JMJD1C: variants seen among roughly 807,000 people sequenced by gnomAD.
JMJD1C encodes jumonji domain-containing protein 1C.
A neutral mutation model predicts 245.3 loss-of-function variants in JMJD1C; 31 were observed. The observed-to-expected ratio is 0.13, with a 90% confidence interval of 0.09 to 0.17. JMJD1C has a LOEUF of 0.17. Among genes scored for constraint, JMJD1C ranks in the 10% least tolerant of loss-of-function variants. The probability of loss-of-function intolerance (pLI) is 1.00; values close to 1 mark genes in which losing one functional copy is unlikely to be tolerated. For missense variants in JMJD1C, 2,691 were observed against 3,000.2 expected (o/e 0.90, Z 2.41); for synonymous variants, 1,057 against 1,017.4 (o/e 1.04, Z -0.74).
At chr10:63,299,772 C>T (rs1431570833) in intron 2 of JMJD1C, among the ~76,000 whole-genome samples, 1 of 151,976 alleles carries the variant, frequency 6.6e-6, no homozygotes, top group East Asian at 1.9e-4. Context: ...CAAGAATGCC[C>T]TCATCCTTGT....
chr10:63,501,517 C>T (rs1416736819), intron 1 of JMJD1C, among the ~76,000 whole-genome samples: 1 of 152,164 alleles, frequency 6.6e-6, no homozygotes, highest in East Asian at 1.9e-4. Context: ...GTGGCTCACG[C>T]CTGTAATCCC....
chr10:63,233,254 A>G (rs977150656), intron 3 of JMJD1C, among the ~76,000 whole-genome samples: 3 of 152,200 alleles, frequency 2.0e-5, no homozygotes, highest in Non-Finnish European at 4.4e-5. Context: ...AATATGCTCA[A>G]CTGAGCACCA....
chr10:63,493,262 T>TC (rs1954235673), intron 1 of JMJD1C, among the ~76,000 whole-genome samples: 1 of 127,258 alleles, frequency 7.9e-6, no homozygotes, highest in South Asian at 2.8e-4. Context: ...TTTTTTTTTT[T>TC]TTTTTTTTTT....
intron 1 of JMJD1C, among the ~76,000 whole-genome samples, chr10:63,382,391 G>C (rs1228408353): frequency 6.6e-6 from 1 of 152,084 alleles, no homozygotes; most frequent in African/African-American, 2.4e-5. Flanking sequence ...ATGGTACAAA[G>C]ATGGCTCAAC....
intron 2 of JMJD1C, among the ~76,000 whole-genome samples, chr10:63,304,143 T>C (rs1937674460): frequency 6.6e-6 from 1 of 152,220 alleles, no homozygotes; most frequent in Admixed American, 6.5e-5. Context: ...TAGTTAGTAC[T>C]ATATAAAATA....
chr10:63,352,677 G>T (rs969494665), intron 2 of JMJD1C, among the ~76,000 whole-genome samples: 1 of 150,842 alleles, frequency 6.6e-6, no homozygotes, highest in Non-Finnish European at 1.5e-5. Flanking sequence ...TGGAAGTCAA[G>T]TCAGAGGAAA....
intron 2 of JMJD1C, among the ~76,000 whole-genome samples, chr10:63,342,534 A>G (rs1448486206): frequency 6.6e-6 from 1 of 152,232 alleles, no homozygotes; most frequent in African/African-American, 2.4e-5. Context: ...AATACAATGT[A>G]CAGTAACCTT....
intron 2 of JMJD1C, among the ~76,000 whole-genome samples, chr10:63,284,005 GTTTTC>G (rs781572918): frequency 3.1e-4 from 47 of 151,622 alleles, no homozygotes; most frequent in South Asian, 6.2e-4. Flanking sequence ...AGAATTTTCT[GTTTTC>G]TTTTCTTCTT....
chr10:63,186,509 CCTGA>C (rs1211470108), intron 18 of JMJD1C, 126 bp from the exon 19 acceptor site: 5 of 643,492 alleles, frequency 7.8e-6, no homozygotes, highest in Non-Finnish European at 1.2e-5. Context: ...CCTCATCATA[CCTGA>C]CTGTCACCCT....
chr10:63,391,612 A>G, intron 1 of JMJD1C, among the ~76,000 whole-genome samples: 1 of 152,212 alleles, frequency 6.6e-6, no homozygotes, highest in East Asian at 1.9e-4. Context: ...AAGGGAAAAG[A>G]TGCCTACAAT....
At chr10:63,223,666 AT>A (rs1848901110) in intron 3 of JMJD1C, among the ~76,000 whole-genome samples, 1 of 152,214 alleles carries the variant, frequency 6.6e-6, no homozygotes, top group Admixed American at 6.5e-5. Flanking sequence ...ATAATGGGCT[AT>A]AAAACCAGTT....
chr10:63,398,714 G>T (rs1338648147), intron 1 of JMJD1C, among the ~76,000 whole-genome samples: 1 of 151,804 alleles, frequency 6.6e-6, no homozygotes, highest in African/African-American at 2.4e-5. Flanking sequence ...CGCAATCTCG[G>T]CTCACTGCAA....
intron 2 of JMJD1C, among the ~76,000 whole-genome samples, chr10:63,327,393 A>T (rs949438516): frequency 6.6e-6 from 1 of 152,204 alleles, no homozygotes; most frequent in African/African-American, 2.4e-5. Context: ...AAAAGGGTGA[A>T]ACAAATAGAG....
chr10:63,480,652 ATTC>A (rs1953803886), intron 1 of JMJD1C, among the ~76,000 whole-genome samples: 2 of 151,266 alleles, frequency 1.3e-5, no homozygotes, highest in Non-Finnish European at 2.9e-5. Flanking sequence ...AAAAACTATT[ATTC>A]ATCACAGCCA....
chr10:63,217,561 G>C (rs1848136116), intron 4 of JMJD1C: 1 of 296,176 alleles, frequency 3.4e-6, no homozygotes, highest in East Asian at 6.1e-5. Context: ...AATACTTTAA[G>C]AGAGAAGGAA....
At chr10:63,470,705 C>T (rs1953462950), upstream of JMJD1C, among the ~76,000 whole-genome samples, 1 of 152,062 alleles carries the variant, frequency 6.6e-6, no homozygotes, top group African/African-American at 2.4e-5. Flanking sequence ...TTCTGACTAT[C>T]TTCTTGATGC....
chr10:63,269,638 A>G (rs1417144679), intron 2 of JMJD1C, among the ~76,000 whole-genome samples: 1 of 152,234 alleles, frequency 6.6e-6, no homozygotes, highest in African/African-American at 2.4e-5. Flanking sequence ...AAATAAATCA[A>G]TTTAAAATAT....
intron 1 of JMJD1C, among the ~76,000 whole-genome samples, chr10:63,409,935 G>A (rs1037858330): frequency 6.6e-6 from 1 of 152,014 alleles, no homozygotes; most frequent in Non-Finnish European, 1.5e-5. Flanking sequence ...GGGGGTCCTG[G>A]GATTTTTAAT....
chr10:63,191,707 G>A (rs10822146), intron 16 of JMJD1C, among the ~76,000 whole-genome samples: 95,585 of 151,828 alleles, frequency 0.63, 32,831 homozygotes, highest in Non-Finnish European at 0.78. Context: ...GTAAGTGGCC[G>A]GGCGCGGTGG....
Sources: gnomAD v4.1 joint callset for allele counts (sites outside exome capture counted in the v4.1 genomes callset) on GRCh38, gnomAD v4.1.1 for gene constraint, MANE v1.5 for transcripts, NCBI Gene and HGNC (gene_info 2026-07-23, HGNC 2026-07-21) for gene names.